Variants in BLNK observed in about 807,000 individuals in gnomAD.
BLNK encodes the protein B-cell linker protein.
Under a neutral mutation model 73.5 loss-of-function variants are expected in BLNK, and 29 were observed. The ratio of observed to expected loss-of-function variants is 0.39; its 90% CI spans 0.29 to 0.54. The LOEUF (loss-of-function observed/expected upper bound fraction) is 0.54, where lower values mean the gene tolerates loss of function less well. Among genes scored for constraint, BLNK ranks in the 20% least tolerant of loss-of-function variants. The pLI is 0.61. For synonymous variants in BLNK, 176 were observed against 200.8 expected (o/e 0.88, Z 1.04); for missense variants, 460 against 562.8 (o/e 0.82, Z 1.85).
chr10:96,214,353 G>T (rs143388387), intron 8 of BLNK, among the ~76,000 whole-genome samples: 1 of 152,282 alleles, frequency 6.6e-6, no homozygotes, highest in East Asian at 1.9e-4. Flanking sequence ...TGGTTTGGGG[G>T]TAGGGGTGAC....
intron 2 of BLNK, among the ~76,000 whole-genome samples, chr10:96,245,427 C>T (rs1843007903): frequency 6.6e-6 from 1 of 152,080 alleles, no homozygotes; most frequent in East Asian, 1.9e-4. Flanking sequence ...TCAAGGTCTG[C>T]AATGAACATT....
intron 1 of BLNK, among the ~76,000 whole-genome samples, chr10:96,248,647 C>T (rs1260833800): frequency 3.3e-5 from 5 of 152,150 alleles, no homozygotes; most frequent in Non-Finnish European, 7.4e-5. Flanking sequence ...TTTATTGCAG[C>T]GTGATGTGTA....
intron 3 of BLNK, among the ~76,000 whole-genome samples, chr10:96,237,513 C>T (rs1397052479): frequency 1.3e-5 from 2 of 152,122 alleles, no homozygotes; most frequent in South Asian, 2.1e-4. Context: ...AAGAGAGGGG[C>T]TCTGTTCAGT....
At chr10:96,195,773 T>C (rs1319907581) in intron 16 of BLNK, among the ~76,000 whole-genome samples, 1 of 152,220 alleles carries the variant, frequency 6.6e-6, no homozygotes, top group African/African-American at 2.4e-5. Flanking sequence ...ACACTTAAAA[T>C]GATTAAGATG....
chr10:96,216,468 T>C (rs2084067768), intron 7 of BLNK, 185 bp downstream of exon 7: 2 of 646,688 alleles, frequency 3.1e-6, no homozygotes, highest in Non-Finnish European at 5.6e-6. Context: ...AGGGCTATGA[T>C]ACACAGAGAT....
In BLNK at chr10:96,227,436, A is replaced by G. The variant is rs1434331471; in HGVS notation, c.335T>C (p.Leu112Pro). ...TATATACTCGCCTCTGGCGAAGGGCAGGGCTGGGTGAACCGGCCTGGTTTC... is the reference window on the plus strand; with the variant it reads ...TATATACTCGCCTCTGGCGAAGGGCGGGGCTGGGTGAACCGGCCTGGTTTC... ...EQETRPVHPA[L>P]PFARGEYIDN... Residue 112 changes from leucine (L) to proline (P), a missense_variant, in exon 5 of 17, where the codon CTG becomes CCG. Transcript: ENST00000224337. 6 of 1,614,036 alleles carry G rather than the reference A, an allele frequency of 3.7e-6. No homozygotes were observed. The Admixed American group carries it at 8.3e-5, about 22-fold the overall frequency.
At chr10:96,262,400 A>G (rs1254407384) in intron 1 of BLNK, among the ~76,000 whole-genome samples, 1 of 152,284 alleles carries the variant, frequency 6.6e-6, no homozygotes, top group South Asian at 2.1e-4. Context: ...TACTGTTCTA[A>G]TACCCCTGCT....
chr10:96,204,365 A>T, intron 12 of BLNK, 167 bp downstream of exon 12: 1 of 823,272 alleles, frequency 1.2e-6, no homozygotes, highest in Non-Finnish European at 2.0e-6. Context: ...AACTCTACAC[A>T]GTTATTTTAA....
At chr10:96,199,911 C>A in intron 15 of BLNK, 164 bp downstream of exon 15, 2 of 356,006 alleles carry the variant, frequency 5.6e-6, no homozygotes, top group Non-Finnish European at 4.9e-6. Context: ...GTAATCCCAG[C>A]TGCTTGGGAG....
At position 96,190,369 on chromosome 10, in the gene BLNK, A is replaced by T; in HGVS notation, c.*1604T>A. The T allele has an allele frequency of 3.9e-6, 2 of 510,834 alleles. No homozygotes were observed. Among genetic ancestry groups the T allele is most frequent in the Admixed American group, 6.3e-5 (2 of 31,564 alleles). 31.6% of individuals were successfully genotyped at this position (510,834 alleles called of 1,614,324 possible). ...GTCTTCTCTCTGTGCCTGCATCCAA[A>T]TTTCCTAATTTTATAAGGACACCAG... On this transcript the variant is annotated 3_prime_UTR_variant, in exon 17 of 17. Coordinates refer to ENST00000224337, the MANE Select transcript of BLNK (RefSeq NM_013314.4).
chr10:96,203,508 CA>C (rs1242833123), intron 13 of BLNK: 1 of 151,986 alleles, frequency 6.6e-6, no homozygotes, highest in Non-Finnish European at 1.5e-5. Context: ...CATTGAGTTG[CA>C]GGCAAATTAA....
intron 7 of BLNK, 115 bp downstream of exon 7, chr10:96,216,538 G>T (rs1251623044): frequency 1.1e-5 from 10 of 887,792 alleles, no homozygotes; most frequent in Non-Finnish European, 1.9e-5. Flanking sequence ...TGGCCCAGGG[G>T]AGAAAGTCCT....
At chr10:96,214,156 A>ATATGTGTG (rs2084009293) in intron 8 of BLNK, among the ~76,000 whole-genome samples, 3 of 152,130 alleles carry the variant, frequency 2.0e-5, no homozygotes, top group Non-Finnish European at 4.4e-5. Context: ...GTGTGTGTGC[A>ATATGTGTG]CACGCGCATA....
chr10:96,237,951 G>T (rs1842756976), intron 3 of BLNK, among the ~76,000 whole-genome samples: 1 of 152,210 alleles, frequency 6.6e-6, no homozygotes, highest in African/African-American at 2.4e-5. Flanking sequence ...TGTCTGTGAA[G>T]AGCTTAGCTT....
chr10:96,220,695 C>A (rs1476259989), intron 6 of BLNK, among the ~76,000 whole-genome samples: 2 of 152,162 alleles, frequency 1.3e-5, no homozygotes, highest in Non-Finnish European at 2.9e-5. Context: ...AGTGATTGGT[C>A]TTTTGAAGCC....
At chr10:96,262,196 C>T (rs567059173) in intron 1 of BLNK, among the ~76,000 whole-genome samples, 1 of 152,254 alleles carries the variant, frequency 6.6e-6, no homozygotes, top group South Asian at 2.1e-4. Context: ...ATGAGTCCTG[C>T]GTGGGTGCTA....
intron 1 of BLNK, among the ~76,000 whole-genome samples, chr10:96,268,677 C>T (rs1026565231): frequency 6.6e-6 from 1 of 152,164 alleles, no homozygotes; most frequent in African/African-American, 2.4e-5. Context: ...TTCCTTGTCT[C>T]CTTCCAATCC....
At chr10:96,259,411 G>A (rs1307176209) in intron 1 of BLNK, among the ~76,000 whole-genome samples, 3 of 152,188 alleles carry the variant, frequency 2.0e-5, no homozygotes, top group East Asian at 1.9e-4. Flanking sequence ...TGGGAGGCAG[G>A]AGGGAATGCG....
At chr10:96,265,315 C>T (rs1190554467) in intron 1 of BLNK, among the ~76,000 whole-genome samples, 1 of 151,950 alleles carries the variant, frequency 6.6e-6, no homozygotes, top group Non-Finnish European at 1.5e-5. Flanking sequence ...ACTCACAAGC[C>T]CTTGAACTTC....
Sources: gnomAD v4.1 joint callset for allele counts (sites outside exome capture counted in the v4.1 genomes callset) on GRCh38, gnomAD v4.1.1 for gene constraint, MANE v1.5 for transcripts, NCBI Gene and HGNC (gene_info 2026-07-23, HGNC 2026-07-21) for gene names.